Variants in PACS1 observed in about 807,000 individuals in gnomAD.
PACS1 encodes PACS-1.
PACS1 carries 24 observed loss-of-function variants against 115.0 expected under a neutral mutation model. The observed-to-expected ratio is 0.21, with a 90% CI of 0.15 to 0.29. The LOEUF (loss-of-function observed/expected upper bound fraction) is 0.29. Ranked by LOEUF, PACS1 falls within the 10% of genes least tolerant of loss-of-function variation. PACS1 has a pLI of 1.00. For synonymous variants in PACS1, 453 were observed against 504.5 expected, an observed-to-expected ratio of 0.90 and a Z score of 1.37; for missense variants, 838 against 1,251.2, an observed-to-expected ratio of 0.67 and a Z score of 4.98.
intron 1 of PACS1, among the ~76,000 whole-genome samples, chr11:66,134,656 A>AT (rs1858801423): frequency 6.6e-6 from 1 of 151,910 alleles, no homozygotes; most frequent in Non-Finnish European, 1.5e-5. Context: ...GCCTGTACAT[A>AT]TGGAAGTCCA....
chr11:66,206,298 G>T (rs533927082), intron 2 of PACS1, among the ~76,000 whole-genome samples: 5 of 152,148 alleles, frequency 3.3e-5, no homozygotes, highest in Non-Finnish European at 7.4e-5. Context: ...ATAAACAAAT[G>T]ATACAAAAGT....
intron 1 of PACS1, among the ~76,000 whole-genome samples, chr11:66,078,640 A>G (rs1029976595): frequency 1.3e-5 from 2 of 152,116 alleles, no homozygotes; most frequent in Non-Finnish European, 2.9e-5. Flanking sequence ...TTCAGCCTCA[A>G]CCTCCTGGGT....
chr11:66,073,916 CTTTTTT>C (rs34145797), intron 1 of PACS1, among the ~76,000 whole-genome samples: 6 of 76,944 alleles, frequency 7.8e-5, no homozygotes, highest in Non-Finnish European at 2.4e-5. Context: ...TCACACCTGG[CTTTTTT>C]TTTTTTTTTT....
rs879925024 is a variant in PACS1 at position 66,215,915 on chromosome 11, AATAATAATAAT to A, written c.661-202_661-192del. Among the ~76,000 whole-genome samples, 1,245 of 143,886 alleles carry A rather than the reference AATAATAATAAT, an allele frequency of 8.7e-3. 8 individuals are homozygous for A. Among genetic ancestry groups the A allele is most frequent in the Non-Finnish European group, 0.014 (942 of 66,580 alleles). 94.4% of individuals were successfully genotyped at this position (143,886 alleles called of 152,430 possible). Reference sequence around the variant, plus strand: ...ACTCCGTCTCAAAAATAATAATAATAATAATAATAATAATAATAATAATAATAATAATAATA... The same window carrying A: ...ACTCCGTCTCAAAAATAATAATAATAAATAATAATAATAATAATAATAATA... On this transcript the variant is annotated intron_variant, in intron 4 of 23. Transcript: ENST00000320580.
chr11:66,150,401 C>G (rs1033698741), intron 1 of PACS1, among the ~76,000 whole-genome samples: 2 of 151,900 alleles, frequency 1.3e-5, no homozygotes, highest in African/African-American at 4.8e-5. Context: ...GATTCTATTT[C>G]TAGGAACAGA....
At chr11:66,174,921 C>T (rs113358634) in intron 1 of PACS1, among the ~76,000 whole-genome samples, 41 of 152,238 alleles carry the variant, frequency 2.7e-4, no homozygotes, top group African/African-American at 8.9e-4. Flanking sequence ...GAGGCCTAGG[C>T]GGGTGGATCA....
chr11:66,075,710 TTC>T (rs1471851340), intron 1 of PACS1, among the ~76,000 whole-genome samples: 1 of 152,070 alleles, frequency 6.6e-6, no homozygotes, highest in African/African-American at 2.4e-5. Context: ...CTGATGAAAT[TTC>T]TATTACTACC....
intron 1 of PACS1, among the ~76,000 whole-genome samples, chr11:66,146,186 A>G (rs1859120284): frequency 6.6e-6 from 1 of 152,220 alleles, no homozygotes; most frequent in African/African-American, 2.4e-5. Flanking sequence ...CAGGGAAGAT[A>G]ATCAGTCAAT....
At chr11:66,201,197 T>C (rs12800670) in intron 2 of PACS1, among the ~76,000 whole-genome samples, 31,227 of 151,340 alleles carry the variant, frequency 0.21, 3,315 homozygotes, top group Middle Eastern at 0.28. Flanking sequence ...CCAACCTGGG[T>C]GACAGAGTGA....
chr11:66,124,472 A>C (rs1373434702), intron 1 of PACS1, among the ~76,000 whole-genome samples: 1 of 152,186 alleles, frequency 6.6e-6, no homozygotes, highest in East Asian at 1.9e-4. Flanking sequence ...ATATTTCTGA[A>C]GTGGGGCATA....
intron 1 of PACS1, among the ~76,000 whole-genome samples, chr11:66,144,605 TAGAA>T (rs1859076502): frequency 1.3e-5 from 2 of 152,326 alleles, no homozygotes; most frequent in Non-Finnish European, 1.5e-5. Flanking sequence ...TATAATAGCT[TAGAA>T]AGACAACTGG....
chr11:66,212,707 A>G (rs1253190381), intron 4 of PACS1, among the ~76,000 whole-genome samples: 4 of 152,172 alleles, frequency 2.6e-5, no homozygotes, highest in Admixed American at 1.3e-4. Flanking sequence ...AAAGGCAACT[A>G]TCTTTTTCCT....
intron 1 of PACS1, among the ~76,000 whole-genome samples, chr11:66,163,911 C>T (rs1859543583): frequency 6.6e-6 from 1 of 152,096 alleles, no homozygotes; most frequent in Non-Finnish European, 1.5e-5. Flanking sequence ...GTTGTTTCGG[C>T]CTCTGTGACC....
chr11:66,156,504 C>T (rs561391329), intron 1 of PACS1, among the ~76,000 whole-genome samples: 51 of 151,764 alleles, frequency 3.4e-4, no homozygotes, highest in African/African-American at 9.9e-4. Flanking sequence ...CTTGGCCTCT[C>T]AAAGTGCTGG....
intron 22 of PACS1, 138 bp downstream of exon 22, chr11:66,241,791 G>T: frequency 1.5e-6 from 1 of 674,078 alleles, no homozygotes; most frequent in Non-Finnish European, 2.6e-6. Flanking sequence ...TGCAGAGGGG[G>T]CAGTCCCACC....
chr11:66,216,147 T>G lies in PACS1; in HGVS notation c.689T>G (p.Leu230Arg), dbSNP rs1330757256. The G allele has an allele frequency of 1.2e-6, 2 of 1,614,050 alleles. No homozygotes were observed. The highest frequency in any genetic ancestry group is 3.3e-5 in the Admixed American group (2 of 60,004). Residue 230 changes from leucine to arginine, a missense_variant, in exon 5 of 24, where the codon CTG (leucine) becomes CGG (arginine). Leu to Arg is a moderately radical substitution (Grantham distance 102). Transcript: ENST00000320580. ...EVMQHPNEGALVLGLHSNVKD... is the reference protein window; with the variant it reads ...EVMQHPNEGARVLGLHSNVKD... ...ATGCAGCATCCTAATGAAGGCGCACTGGTGCTTGGCCTACACAGCAACGTG... is the reference window on the plus strand; with the variant it reads ...ATGCAGCATCCTAATGAAGGCGCACGGGTGCTTGGCCTACACAGCAACGTG...
rs1855816353 is a variant in PACS1, at chr11:66,241,592, G to T, written c.2595G>T (p.Gly865=). ...AGGTGTCCCGCCTGCCCCATAGTGGGGAGGCCCAGCTTTCTGGCACCATGG... is the reference window on the plus strand; with the variant it reads ...AGGTGTCCCGCCTGCCCCATAGTGGTGAGGCCCAGCTTTCTGGCACCATGG... ...SVQVSRLPHS[G]EAQLSGTMAM... Residue 865 remains glycine, a synonymous_variant, in exon 22 of 24, where the codon GGG becomes GGT. Transcript: ENST00000320580. The T allele has an allele frequency of 1.2e-6, 2 of 1,614,178 alleles. No individual in the cohort carries two copies. The highest frequency in any genetic ancestry group is 1.1e-5 in the South Asian group (1 of 91,082).
intron 2 of PACS1, among the ~76,000 whole-genome samples, chr11:66,207,380 T>C (rs953659547): frequency 6.6e-6 from 1 of 151,694 alleles, no homozygotes; most frequent in Non-Finnish European, 1.5e-5. Context: ...GGCAAGAGAG[T>C]CGCTTGAACC....
intron 2 of PACS1, among the ~76,000 whole-genome samples, chr11:66,205,453 G>A (rs1263665472): frequency 6.6e-6 from 1 of 151,800 alleles, no homozygotes; most frequent in Non-Finnish European, 1.5e-5. Context: ...TTGAGGCGAT[G>A]GATACCCAAT....
Sources: gnomAD v4.1 joint callset for allele counts (sites outside exome capture counted in the v4.1 genomes callset) on GRCh38, gnomAD v4.1.1 for gene constraint, MANE v1.5 for transcripts, NCBI Gene and HGNC (gene_info 2026-07-23, HGNC 2026-07-21) for gene names.